Variants in DNAJC13 observed in about 807,000 individuals in gnomAD.
DNAJC13 encodes the protein DnaJ heat shock protein family (Hsp40) member C13, also known as dnaJ homolog subfamily C member 13.
A neutral mutation model predicts 290.5 loss-of-function variants in DNAJC13; 75 were observed. The ratio of observed to expected loss-of-function variants is 0.26; its 90% CI spans 0.21 to 0.31. The LOEUF (loss-of-function observed/expected upper bound fraction) is 0.31. Ranked by LOEUF, DNAJC13 falls within the 10% of genes least tolerant of loss-of-function variation. The probability of loss-of-function intolerance (pLI) is 1.00; values close to 1 mark genes in which losing one functional copy is unlikely to be tolerated. For missense variants in DNAJC13, 2,260 were observed against 2,674.5 expected (o/e 0.85, Z 3.42); for synonymous variants, 862 against 892.0 (o/e 0.97, Z 0.60).
chr3:132,495,255 G>A, intron 35 of DNAJC13, 89 bp downstream of exon 35: 1 of 998,876 alleles, frequency 1.0e-6, no homozygotes, highest in Non-Finnish European at 1.5e-6. Flanking sequence ...TTCTGTGCCA[G>A]TATCTGCCTC....
chr3:132,492,404 A>G lies in DNAJC13; in HGVS notation c.3624-10A>G, dbSNP rs1244648960. The stretch of plus-strand genomic sequence containing the variant: ...TCATAAAGCTTGAATGGAGGTTTTT[A>G]TGATTGTAGGCGCCTGATGATAGAG... On this transcript the variant is annotated splice_polypyrimidine_tract_variant and intron_variant, in intron 32 of 55. Transcript: ENST00000260818. The G allele has an allele frequency of 6.2e-7, 1 of 1,613,306 alleles. No homozygotes were observed. The highest frequency in any genetic ancestry group is 1.7e-5 in the Admixed American group (1 of 59,930).
chr3:132,505,139 T>C lies in DNAJC13; in HGVS notation c.4885-163T>C, dbSNP rs9813230. On this transcript the variant is annotated intron_variant, in intron 41 of 55. Transcript: ENST00000260818. ...AGTTTTTCTCAGCTGTAAAATGGAT[T>C]ATATCAATAAACTTGTTAGAATTAT... Among the ~76,000 whole-genome samples the C allele has an allele frequency of 0.6, 90,998 of 152,060 alleles. 29,426 individuals carry two copies. Among genetic ancestry groups the C allele is most frequent in the East Asian group, 0.87 (4,522 of 5,176 alleles).
At chr3:132,482,166 C>A in intron 26 of DNAJC13, 60 bp from the exon 27 acceptor site, 1 of 1,433,948 alleles carries the variant, frequency 7.0e-7, no homozygotes, top group Non-Finnish European at 9.6e-7. Context: ...CTTTGTTTTA[C>A]GACATCTGGT....
intron 26 of DNAJC13, among the ~76,000 whole-genome samples, chr3:132,481,240 A>C (rs914962801): frequency 6.6e-6 from 1 of 152,182 alleles, no homozygotes; most frequent in Non-Finnish European, 1.5e-5. Flanking sequence ...GAAAGCTGAT[A>C]ATTATGGCAG....
rs1935481814 is a variant in DNAJC13, at chr3:132,503,338, C to G, written c.4841C>G (p.Thr1614Arg). ...AGGAAAAGCTTAGCTGGCATGCTGA[C>G]ACCCTATGTTGCTAGAAAACTTGCT... ...TIRKSLAGML[T>R]PYVARKLAVA... The change falls in exon 41 of 56, where the codon ACA becomes AGA. Residue 1614 changes from threonine (T) to arginine (R), a missense_variant. By Grantham distance (71) the Thr-to-Arg change is moderately conservative. Transcript: ENST00000260818. The G allele has an allele frequency of 1.2e-6, 2 of 1,614,022 alleles. No homozygotes were observed. The highest frequency in any genetic ancestry group is 2.2e-5 in the South Asian group (2 of 91,086).
intron 55 of DNAJC13, among the ~76,000 whole-genome samples, chr3:132,534,096 C>CT (rs1936513284): frequency 6.6e-6 from 1 of 152,104 alleles, no homozygotes; most frequent in South Asian, 2.1e-4. Context: ...CCTGAGCCGG[C>CT]TTAAGGGACA....
intron 41 of DNAJC13, 136 bp downstream of exon 41, chr3:132,503,517 T>G (rs1167593326): frequency 2.8e-6 from 3 of 1,066,560 alleles, no homozygotes; most frequent in Non-Finnish European, 4.0e-6. Flanking sequence ...AGCAAGAAAT[T>G]CACTTTATAA....
chr3:132,477,717 A>G lies in DNAJC13; in HGVS notation c.2446-72A>G, dbSNP rs539989537. The G allele has an allele frequency of 1.5e-5, 16 of 1,063,530 alleles. No individual in the cohort carries two copies. In the South Asian group the frequency reaches 1.8e-4, roughly 12 times the overall value. The allele number at this position is 1,063,530 out of a possible 1,614,324, so 65.9% of individuals were successfully genotyped here. On this transcript the variant is annotated intron_variant, in intron 22 of 55. Transcript: ENST00000260818. ...ATAAGTTTTGAACAGAAAGAACTAT[A>G]AGAAACAATTATTAGAAATTGCCAA...
intron 34 of DNAJC13, 108 bp from the exon 35 acceptor site, chr3:132,494,980 A>G: frequency 2.8e-6 from 2 of 705,070 alleles, no homozygotes; most frequent in East Asian, 2.8e-5. Context: ...ATATATAATC[A>G]TATACAATTC....
rs184270344 is a variant in DNAJC13, at chr3:132,537,586, A to G, written c.6626-590A>G. On this transcript the variant is annotated intron_variant, in intron 55 of 55. Coordinates refer to ENST00000260818, the MANE Select transcript of DNAJC13 (RefSeq NM_015268.4). Reference sequence around the variant, plus strand: ...AAACTGTTAGAATCAAGGGAGAAATATAAGACTAAAATATCAGTACCCTTT... The same window carrying G: ...AAACTGTTAGAATCAAGGGAGAAATGTAAGACTAAAATATCAGTACCCTTT... Among the ~76,000 whole-genome samples, 69 of 152,388 alleles carry G rather than the reference A, an allele frequency of 4.5e-4. 1 individual carries two copies. Among genetic ancestry groups the G allele is most frequent in the East Asian group, 3.9e-3 (20 of 5,190 alleles).
intron 32 of DNAJC13, among the ~76,000 whole-genome samples, chr3:132,491,470 C>A (rs1197985633): frequency 6.6e-6 from 1 of 151,934 alleles, no homozygotes; most frequent in African/African-American, 2.4e-5. Context: ...TGAATCAGAA[C>A]AGAGATACCC....
At chr3:132,441,307 A>G (rs767664050) in intron 2 of DNAJC13, among the ~76,000 whole-genome samples, 21 of 152,356 alleles carry the variant, frequency 1.4e-4, no homozygotes, top group Non-Finnish European at 2.4e-4. Context: ...AATATCTACA[A>G]TACCGGGACA....
Position 132,499,442 on chromosome 3 carries a change from ATTC to A in DNAJC13, c.4341+135_4341+137del. ...CAGCAGATAACACAATATTTTCCAT[ATTC>A]TTATACCAAATTAAAGGTAGAAATG... is the stretch of plus-strand genomic sequence containing the variant. On this transcript the variant is annotated intron_variant, in intron 37 of 55. Coordinates refer to ENST00000260818, the MANE Select transcript of DNAJC13 (RefSeq NM_015268.4). The A allele has an allele frequency of 7.2e-6, 6 of 836,478 alleles. No homozygotes were observed. The South Asian group carries it at 1.3e-4, about 18-fold the overall frequency. The allele number at this position is 836,478 out of a possible 1,614,324, so 51.8% of individuals were successfully genotyped here. A position where few individuals can be genotyped will look rare whatever the true frequency, so the allele number is the denominator to read the frequency against.
At chr3:132,480,282 T>C in intron 25 of DNAJC13, 87 bp from the exon 26 acceptor site, 1 of 756,996 alleles carries the variant, frequency 1.3e-6, no homozygotes. Context: ...TTGTAGGTGG[T>C]AGTACCTATT....
At position 132,496,603 on chromosome 3, in the gene DNAJC13, C is replaced by T. The variant is rs963657907; in HGVS notation, c.4096C>T (p.Pro1366Ser). 10 of 1,611,046 alleles carry T rather than the reference C, an allele frequency of 6.2e-6. No individual in the cohort carries two copies. Among genetic ancestry groups the T allele is most frequent in the Non-Finnish European group, 8.5e-6 (10 of 1,178,604 alleles). The change falls in exon 36 of 56, where the codon CCA becomes TCA. Residue 1366 changes from proline (P) to serine (S), a missense_variant. Physicochemically the swap from Pro to Ser is moderately conservative, Grantham distance 74. Transcript: ENST00000260818. ...AGCAAAAATAGTGGATGGGCCAGATCCAGAGAATATAATTTTAATTCTAAA... is the reference window on the plus strand; with the variant it reads ...AGCAAAAATAGTGGATGGGCCAGATTCAGAGAATATAATTTTAATTCTAAA... ...KSAKIVDGPD[P>S]ENIILILKTQ...
intron 46 of DNAJC13, 117 bp downstream of exon 46, chr3:132,514,787 T>TA: frequency 2.8e-6 from 2 of 714,468 alleles, no homozygotes; most frequent in South Asian, 3.4e-5. Context: ...TTTAAAGTGT[T>TA]ATTTACACTA....
chr3:132,502,620 T>C, intron 40 of DNAJC13, 152 bp downstream of exon 40: 2 of 659,294 alleles, frequency 3.0e-6, no homozygotes, highest in South Asian at 7.2e-5. Context: ...AATCACTTAC[T>C]TACAAAACTT....
At chr3:132,460,986 G>A in intron 14 of DNAJC13, 64 bp from the exon 15 acceptor site, 3 of 1,464,178 alleles carry the variant, frequency 2.0e-6, no homozygotes, top group Non-Finnish European at 2.8e-6. Flanking sequence ...ACACATTATT[G>A]TTAAAATTTA....
At chr3:132,457,177 T>C in intron 12 of DNAJC13, 92 bp from the exon 13 acceptor site, 1 of 856,890 alleles carries the variant, frequency 1.2e-6, no homozygotes, top group Admixed American at 2.9e-5. Flanking sequence ...GTTCCAGTAG[T>C]GCAATGGAAA....
Sources: allele counts gnomAD v4.1 joint callset (sites outside exome capture counted in the v4.1 genomes callset), GRCh38; gene constraint gnomAD v4.1.1; transcripts MANE v1.5; gene names NCBI Gene and HGNC (gene_info 2026-07-23, HGNC 2026-07-21).